Variants in DGKB observed in about 807,000 individuals in gnomAD.
DGKB encodes diacylglycerol kinase beta, also known as 90 kDa diacylglycerol kinase.
DGKB carries 67 observed loss-of-function variants against 114.3 expected under a neutral mutation model. That is an observed-to-expected ratio of 0.59 (90% CI 0.48 to 0.72). DGKB has a LOEUF of 0.72. DGKB is among the 30% of genes least tolerant of loss of function. The pLI is 0.00. For synonymous variants in DGKB, 398 were observed against 323.1 expected, an observed-to-expected ratio of 1.23 and a Z score of -2.49; for missense variants, 907 against 975.2, an observed-to-expected ratio of 0.93 and a Z score of 0.93.
In DGKB at chr7:14,655,645, CA is replaced by C. The variant is rs547673973; in HGVS notation, c.1134+17283del. 2.2e-3 allele frequency among the ~76,000 whole-genome samples: 341 copies of C among 151,688 alleles called. 1 individual carries two copies. Among genetic ancestry groups the C allele is most frequent in the Non-Finnish European group, 3.6e-3 (246 of 67,734 alleles). ...ATGTGATATCAACCTAAATGTCCAT[CA>C]ATAGATGAGTAGATAAAATAATTAT... On this transcript the variant is annotated intron_variant, in intron 13 of 25. Coordinates refer to ENST00000402815, the MANE Select transcript of DGKB (RefSeq NM_001350709.2).
chr7:14,801,318 T>C (rs965563637), intron 2 of DGKB, among the ~76,000 whole-genome samples: 1 of 152,050 alleles, frequency 6.6e-6, no homozygotes, highest in African/African-American at 2.4e-5. Context: ...TGTTTGGAGA[T>C]TAAGAATGGT....
chr7:14,719,661 T>C (rs1285281491), intron 5 of DGKB, among the ~76,000 whole-genome samples: 1 of 152,128 alleles, frequency 6.6e-6, no homozygotes, highest in Non-Finnish European at 1.5e-5. Flanking sequence ...TGACTGCGTA[T>C]GTCTCACTCT....
chr7:14,381,621 T>C (rs1819487447), intron 21 of DGKB, among the ~76,000 whole-genome samples: 1 of 152,146 alleles, frequency 6.6e-6, no homozygotes, highest in Non-Finnish European at 1.5e-5. Context: ...TTGCTTTGTC[T>C]ATTTTCTTTA....
chr7:14,719,238 TA>T (rs1828749617), intron 5 of DGKB, among the ~76,000 whole-genome samples: 1 of 152,136 alleles, frequency 6.6e-6, no homozygotes, highest in Admixed American at 6.6e-5. Flanking sequence ...AAAGAGAACA[TA>T]AGCAAAACTC....
rs562399996 is a variant in DGKB at position 14,917,033 on chromosome 7, A to G, written c.-188+57663T>C. ...AAATTAAACAGCATTTTTAAATAAC[A>G]TAAGTCAAATAAAATGTCTCCAAAG... On this transcript the variant is annotated intron_variant, in intron 1 of 4. Transcript: ENST00000437998. Among the ~76,000 whole-genome samples the G allele has an allele frequency of 3.2e-3, 483 of 152,266 alleles. 2 individuals carry two copies. Among genetic ancestry groups the G allele is most frequent in the African/African-American group, 0.011 (456 of 41,574 alleles).
In DGKB at chr7:14,425,069, T is replaced by C. The variant is rs146149113; in HGVS notation, c.1835+53092A>G. Among the ~76,000 whole-genome samples, 28 of 152,260 alleles carry C rather than the reference T, an allele frequency of 1.8e-4. 1 individual carries two copies. The highest frequency in any genetic ancestry group is 1.3e-4 in the Non-Finnish European group (9 of 68,004). On this transcript the variant is annotated intron_variant, in intron 21 of 25. Coordinates refer to ENST00000402815, the MANE Select transcript of DGKB (RefSeq NM_001350709.2). ...CACATATGATATAGAACATTAACAATATTGACATTATCCCAGAAATTATAT... is the reference window on the plus strand; with the variant it reads ...CACATATGATATAGAACATTAACAACATTGACATTATCCCAGAAATTATAT...
chr7:14,882,809 A>C (rs1237611899), intron 1 of DGKB, among the ~76,000 whole-genome samples: 1 of 152,032 alleles, frequency 6.6e-6, no homozygotes, highest in African/African-American at 2.4e-5. Flanking sequence ...CATTGTGTAT[A>C]TATGCCACAT....
At chr7:14,573,446 T>C (rs1047591134) in intron 20 of DGKB, among the ~76,000 whole-genome samples, 1 of 149,840 alleles carries the variant, frequency 6.7e-6, no homozygotes, top group African/African-American at 2.5e-5. Flanking sequence ...TATATTCTAC[T>C]AGCCTTTTTA....
chr7:14,897,182 C>A (rs896223438), intron 1 of DGKB, among the ~76,000 whole-genome samples: 3 of 151,812 alleles, frequency 2.0e-5, no homozygotes, highest in African/African-American at 7.3e-5. Flanking sequence ...ATTTGGAAAG[C>A]CCTACGTGTT....
intron 25 of DGKB, among the ~76,000 whole-genome samples, chr7:14,175,188 T>C (rs1262500491): frequency 6.6e-6 from 1 of 152,232 alleles, no homozygotes; most frequent in Non-Finnish European, 1.5e-5. Flanking sequence ...CCCTTGAGTA[T>C]GCTATTTAAC....
chr7:14,364,417 A>G (rs947075553), intron 21 of DGKB, among the ~76,000 whole-genome samples: 1 of 151,936 alleles, frequency 6.6e-6, no homozygotes, highest in African/African-American at 2.4e-5. Context: ...GAAAGAAGGA[A>G]GAAAGGAAGG....
chr7:14,232,680 G>A (rs892811075), intron 23 of DGKB, among the ~76,000 whole-genome samples: 3 of 151,908 alleles, frequency 2.0e-5, no homozygotes, highest in African/African-American at 7.3e-5. Context: ...ACTTTTTAAA[G>A]GGCACAGTCT....
At chr7:14,738,215 T>C (rs1832035229) in intron 4 of DGKB, among the ~76,000 whole-genome samples, 1 of 152,236 alleles carries the variant, frequency 6.6e-6, no homozygotes, top group African/African-American at 2.4e-5. Context: ...TCAACATGTA[T>C]GAAGGCCCAT....
At chr7:14,648,080 C>A (rs539588624) in intron 13 of DGKB, among the ~76,000 whole-genome samples, 90 of 152,334 alleles carry the variant, frequency 5.9e-4, no homozygotes, top group African/African-American at 2.1e-3. Flanking sequence ...GGGCGCCCAC[C>A]ATTGCCCAGG....
At chr7:14,653,341 T>G (rs1256967778) in intron 13 of DGKB, among the ~76,000 whole-genome samples, 2 of 152,084 alleles carry the variant, frequency 1.3e-5, no homozygotes, top group Non-Finnish European at 2.9e-5. Flanking sequence ...AATGATGAGT[T>G]CACGTCCTTT....
intron 1 of DGKB, among the ~76,000 whole-genome samples, chr7:14,967,576 C>T (rs1787228242): frequency 6.6e-6 from 1 of 150,832 alleles, no homozygotes; most frequent in Non-Finnish European, 1.5e-5. Flanking sequence ...TCACCTCGGC[C>T]TCCCACAGTG....
intron 21 of DGKB, among the ~76,000 whole-genome samples, chr7:14,471,704 C>G (rs989755242): frequency 2.6e-5 from 4 of 151,916 alleles, no homozygotes; most frequent in African/African-American, 9.7e-5. Context: ...TGAAGACTCA[C>G]TCTACATATC....
intron 23 of DGKB, among the ~76,000 whole-genome samples, chr7:14,242,257 AG>A (rs1158114764): frequency 1.3e-5 from 2 of 152,144 alleles, no homozygotes; most frequent in Non-Finnish European, 2.9e-5. Context: ...TTACTGGAGC[AG>A]GGTGTATGCG....
intron 23 of DGKB, among the ~76,000 whole-genome samples, chr7:14,288,315 G>T (rs1196022037): frequency 5.3e-5 from 6 of 113,366 alleles, no homozygotes; most frequent in African/African-American, 2.1e-4. Context: ...TACTGATATA[G>T]CTCTATACTG....
Sources: gnomAD v4.1 joint callset for allele counts (sites outside exome capture counted in the v4.1 genomes callset) on GRCh38, gnomAD v4.1.1 for gene constraint, MANE v1.5 for transcripts, NCBI Gene and HGNC (gene_info 2026-07-23, HGNC 2026-07-21) for gene names.